Variants in KLF5 observed in about 807,000 individuals in gnomAD.
KLF5 encodes Krueppel-like factor 5.
A neutral mutation model predicts 36.9 loss-of-function variants in KLF5; 9 were observed. The observed-to-expected ratio is 0.24, with a 90% CI of 0.15 to 0.43. KLF5 has a LOEUF of 0.43. KLF5 is among the 20% of genes least tolerant of loss of function. The probability of loss-of-function intolerance (pLI) is 1.00; values close to 1 mark genes in which losing one functional copy is unlikely to be tolerated. For synonymous variants in KLF5, 246 were observed against 241.7 expected (o/e 1.02, Z -0.17); for missense variants, 524 against 599.5 (o/e 0.87, Z 1.31).
upstream of KLF5, among the ~76,000 whole-genome samples, chr13:73,056,235 C>G (rs2044582950): frequency 6.6e-6 from 1 of 152,200 alleles, no homozygotes; most frequent in South Asian, 2.1e-4. Flanking sequence ...TGCTTCTATG[C>G]TTACCCTCCT....
In KLF5 at chr13:73,068,114, T is replaced by TA. The variant is rs2044694404; in HGVS notation, c.1195+4232dup. ...CCCCAGCCTCCCAAAGTGCTGGGAT[T>TA]ACAGGCGTGAGCCACCACGCCAGAC... On this transcript the variant is annotated intron_variant, in intron 3 of 3. Coordinates refer to ENST00000377687, the MANE Select transcript of KLF5 (RefSeq NM_001730.5). 5.9e-5 allele frequency among the ~76,000 whole-genome samples: 9 copies of TA among 152,276 alleles called. No individual in the cohort carries two copies. In the South Asian group the frequency reaches 1.9e-3, roughly 32 times the overall value.
chr13:73,061,971 C>T lies in KLF5; in HGVS notation c.372C>T (p.Phe124=), dbSNP rs748826123. 4 of 1,614,068 alleles carry T rather than the reference C, an allele frequency of 2.5e-6. No homozygotes were observed. In the East Asian group the frequency reaches 8.9e-5, roughly 36 times the overall value. Residue 124 remains phenylalanine, a synonymous_variant, in exon 2 of 4, where the codon TTC becomes TTT. Transcript: ENST00000377687. ...GTGCCTCAGTCGTAGACCAGTTCTT[C>T]ACTGACACTGAAGGGTTACCTTACA... The part of the protein sequence containing the change: ...RDSASVVDQF[F]TDTEGLPYSI...
At chr13:73,063,634 A>G (rs999310742) in intron 2 of KLF5, among the ~76,000 whole-genome samples, 190 bp from the exon 3 acceptor site, 5 of 152,234 alleles carry the variant, frequency 3.3e-5, no homozygotes, top group African/African-American at 2.4e-5. Flanking sequence ...TGATACATAA[A>G]ACAAATCACT....
chr13:73,059,261 C>T lies in KLF5; in HGVS notation c.-67C>T, dbSNP rs917591426. ...GCAGCCCCGCGCTGAGCTCGCCGAC[C>T]CAAGCCAGCGTGGGCGAGGTGGGAA... On this transcript the variant is annotated 5_prime_UTR_variant, in exon 1 of 4. Coordinates refer to ENST00000377687, the MANE Select transcript of KLF5 (RefSeq NM_001730.5). The T allele has an allele frequency of 1.2e-4, 155 of 1,268,470 alleles. No individual in the cohort carries two copies. The highest frequency in any genetic ancestry group is 3.4e-5 in the Non-Finnish European group (34 of 1,005,088). 78.6% of individuals were successfully genotyped at this position (1,268,470 alleles called of 1,614,324 possible).
intron 2 of KLF5, 51 bp from the exon 3 acceptor site, chr13:73,063,772 TA>T: frequency 8.1e-7 from 1 of 1,237,048 alleles, no homozygotes; most frequent in East Asian, 2.3e-5. Context: ...TCATCAAATG[TA>T]AAGATTTCAA....
intron 3 of KLF5, among the ~76,000 whole-genome samples, chr13:73,070,490 A>G (rs1457209613): frequency 6.6e-6 from 1 of 152,214 alleles, no homozygotes; most frequent in Non-Finnish European, 1.5e-5. Context: ...AACTCTATTA[A>G]TGACAGGGGA....
In KLF5 at chr13:73,059,535, C is replaced by G. The variant is rs2044613919; in HGVS notation, c.208C>G (p.Pro70Ala). 2 of 1,185,988 alleles carry G rather than the reference C, an allele frequency of 1.7e-6. No homozygotes were observed. Among genetic ancestry groups the G allele is most frequent in the Middle Eastern group, 3.4e-4 (1 of 2,920 alleles). 73.5% of individuals were successfully genotyped at this position (1,185,988 alleles called of 1,614,324 possible). ...GCCCGCGCCCGCGCAGGCCCCGCAG[C>G]CGGCCCAGCCGCCCGCCACCGGCCC... is the stretch of plus-strand genomic sequence containing the variant. ...AQPAPAQAPQPAQPPATGPRL... is the reference protein window; with the variant it reads ...AQPAPAQAPQAAQPPATGPRL... The change falls in exon 1 of 4, where the codon CCG (proline) becomes GCG (alanine). Residue 70 changes from proline to alanine, a missense_variant. Pro to Ala is a conservative substitution (Grantham distance 27, BLOSUM62 -1). Transcript: ENST00000377687.
In KLF5 at chr13:73,075,724, G is replaced by C; in HGVS notation, c.1212G>C (p.Lys404Asn). 3 of 1,606,050 alleles carry C rather than the reference G, an allele frequency of 1.9e-6. No homozygotes were observed. The highest frequency in any genetic ancestry group is 2.6e-6 in the Non-Finnish European group (3 of 1,173,972). The change falls in exon 4 of 4, where the codon AAG (lysine) becomes AAC (asparagine). Residue 404 changes from lysine (K) to asparagine (N), a missense_variant. Lys to Asn is a moderately conservative substitution (Grantham distance 94, BLOSUM62 0). Coordinates refer to ENST00000377687, the MANE Select transcript of KLF5 (RefSeq NM_001730.5). ...LRTHTGEKPYKCTWEGCDWRF... is the reference protein window; with the variant it reads ...LRTHTGEKPYNCTWEGCDWRF... ...TTGTCACAGGTGAAAAGCCATACAA[G>C]TGTACCTGGGAAGGCTGCGACTGGA...
At position 73,075,934 on chromosome 13, in the gene KLF5, A is replaced by C; in HGVS notation, c.*48A>C. ...CAGGTCCCCTGGGCTCCCTCAAATG[A>C]CAGACCTAACTATTCCTGTGTAAAA... On this transcript the variant is annotated 3_prime_UTR_variant, in exon 4 of 4. Transcript: ENST00000377687. 1 of 1,432,834 alleles carries C rather than the reference A, an allele frequency of 7.0e-7. No homozygotes were observed. The allele number at this position is 1,432,834 out of a possible 1,614,324, so 88.8% of individuals were successfully genotyped here.
chr13:73,063,521 CAT>C (rs953575194), intron 2 of KLF5, among the ~76,000 whole-genome samples: 10 of 152,184 alleles, frequency 6.6e-5, no homozygotes, highest in African/African-American at 2.2e-4. Context: ...TTTAAAAAAA[CAT>C]ATAGCAGCTC....
chr13:73,068,177 C>T (rs1040495249), intron 3 of KLF5, among the ~76,000 whole-genome samples: 1 of 152,118 alleles, frequency 6.6e-6, no homozygotes, highest in Non-Finnish European at 1.5e-5. Flanking sequence ...GTTCAAGATT[C>T]CCTGTTTAGG....
intron 3 of KLF5, among the ~76,000 whole-genome samples, chr13:73,072,768 G>A (rs1303461911): frequency 6.6e-6 from 1 of 152,122 alleles, no homozygotes; most frequent in Non-Finnish European, 1.5e-5. Context: ...TAATGTTTCT[G>A]CTTAACATTT....
intron 3 of KLF5, among the ~76,000 whole-genome samples, chr13:73,065,878 A>G (rs1419303729): frequency 1.3e-5 from 2 of 152,216 alleles, no homozygotes; most frequent in African/African-American, 4.8e-5. Context: ...TCACCCCGTC[A>G]GGGTTTAGTG....
At chr13:73,068,107 C>T (rs566879071) in intron 3 of KLF5, among the ~76,000 whole-genome samples, 9 of 152,272 alleles carry the variant, frequency 5.9e-5, no homozygotes, top group African/African-American at 2.2e-4. Context: ...TCCCAAAGTG[C>T]TGGGATTACA....
intron 1 of KLF5, among the ~76,000 whole-genome samples, chr13:73,061,047 CTG>C (rs1354924173): frequency 6.6e-5 from 10 of 152,096 alleles, no homozygotes; most frequent in African/African-American, 2.2e-4. Context: ...TTGCTGATGA[CTG>C]TGCTAGGGAT....
rs992123782 is a variant in KLF5 at position 73,077,462 on chromosome 13, T to C, written c.*1576T>C. On this transcript the variant is annotated 3_prime_UTR_variant, in exon 4 of 4. Coordinates refer to ENST00000377687, the MANE Select transcript of KLF5 (RefSeq NM_001730.5). ...AATGGAGCAAACAGCTGTATAGTTG[T>C]AGAATTTTTTGAGAGAATGAGATGT... The C allele has an allele frequency of 6.6e-6, 1 of 152,652 alleles. No individual in the cohort carries two copies. Among genetic ancestry groups the C allele is most frequent in the African/African-American group, 2.4e-5 (1 of 41,454 alleles). 9.5% of individuals were successfully genotyped at this position (152,652 alleles called of 1,614,324 possible). A position where few individuals can be genotyped will look rare whatever the true frequency, so the allele number is the denominator to read the frequency against.
chr13:73,069,107 A>G (rs1268212878), intron 3 of KLF5, among the ~76,000 whole-genome samples: 1 of 152,204 alleles, frequency 6.6e-6, no homozygotes, highest in East Asian at 1.9e-4. Flanking sequence ...AAAAATAATA[A>G]TAATAAAAAA....
At position 73,062,185 on chromosome 13, in the gene KLF5, C is replaced by T. The variant is rs1323972784; in HGVS notation, c.586C>T (p.His196Tyr). 1 of 1,614,154 alleles carries T rather than the reference C, an allele frequency of 6.2e-7. No individual in the cohort carries two copies. Residue 196 changes from histidine (H) to tyrosine (Y), a missense_variant, in exon 2 of 4, where the codon CAC (histidine) becomes TAC (tyrosine). By Grantham distance (83) the His-to-Tyr change is moderately conservative. This residue lies in a region of KLF5 where 454 missense variants were observed against 458.1 expected (regional missense o/e 0.99). Transcript: ENST00000377687. ...TGAGTTCACCAGTATATTCAGCTCA[C>T]ACCAGACCGCAGCTCCAGAGGTGAA... ...LPEFTSIFSS[H>Y]QTAAPEVNNI...
At chr13:73,059,885 T>A (rs2044619477) in intron 1 of KLF5, 1 of 839,962 alleles carries the variant, frequency 1.2e-6, no homozygotes, top group Non-Finnish European at 1.4e-6. Flanking sequence ...TAGTTGTTTT[T>A]CTTACACTTG....
Sources: allele counts gnomAD v4.1 joint callset (sites outside exome capture counted in the v4.1 genomes callset), GRCh38; gene constraint gnomAD v4.1.1; regional missense constraint gnomAD v4.1.1; transcripts MANE v1.5; gene names NCBI Gene and HGNC (gene_info 2026-07-23, HGNC 2026-07-21).